Variants in DLG2 observed in about 807,000 individuals in gnomAD.
DLG2 encodes discs large MAGUK scaffold protein 2.
Under a neutral mutation model 132.5 loss-of-function variants are expected in DLG2, and 45 were observed. The ratio of observed to expected loss-of-function variants is 0.34; its 90% CI spans 0.27 to 0.44. The LOEUF is 0.44. Among genes scored for constraint, DLG2 ranks in the 20% least tolerant of loss-of-function variants. The probability of loss-of-function intolerance (pLI) is 1.00; values close to 1 mark genes in which losing one functional copy is unlikely to be tolerated. For synonymous variants in DLG2, 424 were observed against 419.6 expected, an observed-to-expected ratio of 1.01 and a Z score of -0.13; for missense variants, 1,045 against 1,196.9, an observed-to-expected ratio of 0.87 and a Z score of 1.87.
intron 6 of DLG2, among the ~76,000 whole-genome samples, chr11:84,763,586 A>C (rs2067962482): frequency 6.6e-6 from 1 of 151,780 alleles, no homozygotes; most frequent in African/African-American, 2.4e-5. Flanking sequence ...ACAGTTTCTC[A>C]TTTTTTCTAT....
At chr11:84,159,920 T>G (rs1228476717) in intron 9 of DLG2, among the ~76,000 whole-genome samples, 2 of 152,138 alleles carry the variant, frequency 1.3e-5, no homozygotes, top group Non-Finnish European at 2.9e-5. Context: ...ACTTTTAGAT[T>G]TTAGATTATT....
At chr11:84,278,037 G>A (rs1448918034) in intron 7 of DLG2, among the ~76,000 whole-genome samples, 4 of 147,058 alleles carry the variant, frequency 2.7e-5, no homozygotes, top group Non-Finnish European at 4.5e-5. Flanking sequence ...GGGACCACAC[G>A]CCTGGCTAAG....
In DLG2 at chr11:84,451,864, G is replaced by T. The variant is rs550641957; in HGVS notation, c.519+82706C>A. Among the ~76,000 whole-genome samples the T allele has an allele frequency of 3.3e-5, 5 of 151,796 alleles. No homozygotes were observed. The South Asian group carries it at 1.0e-3, about 31-fold the overall frequency. ...AAATTTTTCTGATAAGTTGATTAAG[G>T]TAAAGCTCAGTAAGATTAAGGAAGT... On this transcript the variant is annotated intron_variant, in intron 7 of 27. Coordinates refer to ENST00000376104, the MANE Select transcript of DLG2 (RefSeq NM_001142699.3).
chr11:85,342,209 T>C (rs1247986508), intron 3 of DLG2, among the ~76,000 whole-genome samples: 1 of 152,248 alleles, frequency 6.6e-6, no homozygotes, highest in Non-Finnish European at 1.5e-5. Flanking sequence ...ATTTTTACTC[T>C]GTTGTAATAA....
intron 7 of DLG2, among the ~76,000 whole-genome samples, chr11:84,343,778 C>A (rs1203418115): frequency 6.6e-6 from 1 of 152,174 alleles, no homozygotes; most frequent in East Asian, 1.9e-4. Context: ...ACTCTTCTTA[C>A]ATCCACCTAA....
intron 6 of DLG2, among the ~76,000 whole-genome samples, chr11:84,787,255 C>T (rs1291433535): frequency 1.3e-5 from 2 of 152,086 alleles, no homozygotes; most frequent in African/African-American, 4.8e-5. Flanking sequence ...CCATAAGACT[C>T]CATTGTTCTC....
chr11:84,864,735 T>C (rs763596778), intron 6 of DLG2, among the ~76,000 whole-genome samples: 2 of 152,108 alleles, frequency 1.3e-5, no homozygotes, highest in Non-Finnish European at 2.9e-5. Context: ...ATTCAACTAA[T>C]TGTTATGGAT....
At chr11:83,883,164 A>G (rs1301360200) in intron 15 of DLG2, among the ~76,000 whole-genome samples, 1 of 152,218 alleles carries the variant, frequency 6.6e-6, no homozygotes, top group Non-Finnish European at 1.5e-5. Context: ...TTTTAATTTG[A>G]GAACAGTTAA....
chr11:85,068,772 G>C (rs1003203886), intron 6 of DLG2, among the ~76,000 whole-genome samples: 13 of 152,162 alleles, frequency 8.5e-5, no homozygotes, highest in Middle Eastern at 3.4e-3. Flanking sequence ...AGCTACCAAT[G>C]ACTTTCTTCA....
At chr11:85,107,548 T>G (rs776779089) in intron 6 of DLG2, among the ~76,000 whole-genome samples, 3 of 152,022 alleles carry the variant, frequency 2.0e-5, no homozygotes, top group African/African-American at 4.8e-5. Flanking sequence ...AAATGCTAAT[T>G]CTTAGCCTAG....
intron 19 of DLG2, among the ~76,000 whole-genome samples, chr11:83,618,667 C>T (rs1283964111): frequency 6.6e-6 from 1 of 152,162 alleles, no homozygotes; most frequent in Non-Finnish European, 1.5e-5. Flanking sequence ...CTACTCTACT[C>T]TGCTGTGAAC....
At chr11:84,667,472 T>TC (rs1259138080) in intron 6 of DLG2, among the ~76,000 whole-genome samples, 1 of 134,608 alleles carries the variant, frequency 7.4e-6, no homozygotes, top group East Asian at 2.3e-4. Flanking sequence ...ATTCAAGTTT[T>TC]TTTTTGTTTT....
At chr11:83,973,056 T>A (rs902406238) in intron 12 of DLG2, among the ~76,000 whole-genome samples, 5 of 152,276 alleles carry the variant, frequency 3.3e-5, no homozygotes, top group African/African-American at 1.2e-4. Flanking sequence ...CAGTATGATA[T>A]GAACCCTAGG....
chr11:83,958,953 T>C (rs1284453353), intron 14 of DLG2, among the ~76,000 whole-genome samples: 1 of 152,126 alleles, frequency 6.6e-6, no homozygotes, highest in East Asian at 1.9e-4. Flanking sequence ...GAGATTAGAC[T>C]CTATATTTAC....
At chr11:84,505,805 T>C (rs2099237611) in intron 7 of DLG2, among the ~76,000 whole-genome samples, 1 of 152,156 alleles carries the variant, frequency 6.6e-6, no homozygotes, top group South Asian at 2.1e-4. Flanking sequence ...CTTGGGTATA[T>C]TTTCAAGATT....
intron 9 of DLG2, among the ~76,000 whole-genome samples, chr11:84,130,882 C>A (rs940400398): frequency 6.7e-6 from 1 of 149,170 alleles, no homozygotes; most frequent in African/African-American, 2.5e-5. Flanking sequence ...TTCTGAGAAA[C>A]AAACTCATAC....
chr11:84,885,780 A>G (rs552278709), intron 6 of DLG2, among the ~76,000 whole-genome samples: 2 of 152,256 alleles, frequency 1.3e-5, no homozygotes, highest in East Asian at 3.9e-4. Context: ...CTTTTAGGAT[A>G]CAACGTTCCA....
At chr11:83,619,704 G>C (rs1430329825) in intron 19 of DLG2, among the ~76,000 whole-genome samples, 1 of 152,076 alleles carries the variant, frequency 6.6e-6, no homozygotes, top group African/African-American at 2.4e-5. Context: ...TGAGGAAAGG[G>C]GCAGGAACAC....
At chr11:83,938,524 T>G (rs906651301) in intron 14 of DLG2, among the ~76,000 whole-genome samples, 1 of 152,216 alleles carries the variant, frequency 6.6e-6, no homozygotes, top group Non-Finnish European at 1.5e-5. Flanking sequence ...AGGCAGGTCT[T>G]GAGTACAATT....
Sources: gnomAD v4.1 joint callset for allele counts (sites outside exome capture counted in the v4.1 genomes callset) on GRCh38, gnomAD v4.1.1 for gene constraint, MANE v1.5 for transcripts, NCBI Gene and HGNC (gene_info 2026-07-23, HGNC 2026-07-21) for gene names.